Variants in KCNMB2 observed in about 807,000 individuals in gnomAD.
KCNMB2 encodes the protein potassium calcium-activated channel subfamily M regulatory beta subunit 2, also known as calcium-activated potassium channel subunit beta-2.
Under a neutral mutation model 24.5 loss-of-function variants are expected in KCNMB2, and 9 were observed. The ratio of observed to expected loss-of-function variants is 0.37; its 90% CI spans 0.22 to 0.64. The LOEUF (loss-of-function observed/expected upper bound fraction) is 0.64, where lower values mean the gene tolerates loss of function less well. Among genes scored for constraint, KCNMB2 ranks in the 30% least tolerant of loss-of-function variants. KCNMB2 has a pLI of 0.63. For synonymous variants in KCNMB2, 109 were observed against 104.4 expected, an observed-to-expected ratio of 1.04 and a Z score of -0.27; for missense variants, 226 against 284.3, an observed-to-expected ratio of 0.79 and a Z score of 1.47.
At position 178,779,007 on chromosome 3, in the gene KCNMB2, ATG is replaced by A. The variant is rs1288203742; in HGVS notation, c.-67-28335_-67-28334del. Among the ~76,000 whole-genome samples the A allele has an allele frequency of 1.6e-4, 25 of 152,212 alleles. 1 individual carries two copies. On this transcript the variant is annotated intron_variant, in intron 1 of 4. Transcript: ENST00000452583. Reference sequence around the variant, plus strand: ...AATGTGTGAAATGTGAGGGGAAAGGATGAAGAAAGCACCATCTCGTATTGATA... The same window carrying A: ...AATGTGTGAAATGTGAGGGGAAAGGAAAGAAAGCACCATCTCGTATTGATA...
chr3:178,818,781 G>T (rs936373851), intron 2 of KCNMB2, among the ~76,000 whole-genome samples: 7 of 151,860 alleles, frequency 4.6e-5, no homozygotes, highest in African/African-American at 1.7e-4. Context: ...TTCTTTTAAT[G>T]CCCCCTCTAA....
chr3:178,604,405 A>G (rs1423652987), intron 1 of KCNMB2, among the ~76,000 whole-genome samples: 1 of 148,412 alleles, frequency 6.7e-6, no homozygotes, highest in East Asian at 1.9e-4. Flanking sequence ...AGTGGTTTAA[A>G]AAAAAAAAAA....
chr3:178,746,022 G>A (rs1487963558), intron 1 of KCNMB2, among the ~76,000 whole-genome samples: 1 of 152,160 alleles, frequency 6.6e-6, no homozygotes, highest in Non-Finnish European at 1.5e-5. Flanking sequence ...CTGGGGTCTG[G>A]AGGATGGTGA....
intron 1 of KCNMB2, among the ~76,000 whole-genome samples, chr3:178,798,198 T>C (rs9832084): frequency 0.18 from 27,431 of 152,086 alleles, 2,837 homozygotes; most frequent in African/African-American, 0.28. Context: ...AGAGAGGGCA[T>C]CCTTGTCTTG....
chr3:178,653,726 T>C lies in KCNMB2; in HGVS notation c.-68+117015T>C, dbSNP rs144426006. On this transcript the variant is annotated intron_variant, in intron 1 of 4. Transcript: ENST00000452583. Reference sequence around the variant, plus strand: ...TTAATATATTATTAATATCAAATTGTCTTTATGTTTTTAAGATTGAATCAT... The same window carrying C: ...TTAATATATTATTAATATCAAATTGCCTTTATGTTTTTAAGATTGAATCAT... Among the ~76,000 whole-genome samples the C allele has an allele frequency of 5.9e-5, 9 of 152,230 alleles. No homozygotes were observed. In the East Asian group the frequency reaches 1.7e-3, roughly 29 times the overall value.
chr3:178,625,528 G>T (rs1719086315), intron 1 of KCNMB2, among the ~76,000 whole-genome samples: 1 of 152,228 alleles, frequency 6.6e-6, no homozygotes, highest in Non-Finnish European at 1.5e-5. Flanking sequence ...CAACTAAGGT[G>T]CTTGACTATT....
At chr3:178,733,430 A>T (rs1011813046) in intron 1 of KCNMB2, among the ~76,000 whole-genome samples, 1 of 152,232 alleles carries the variant, frequency 6.6e-6, no homozygotes, top group Non-Finnish European at 1.5e-5. Context: ...CAGCCAATGG[A>T]AAGTTTTGAG....
intron 2 of KCNMB2, among the ~76,000 whole-genome samples, chr3:178,815,933 A>G (rs1714388352): frequency 6.6e-6 from 1 of 151,874 alleles, no homozygotes; most frequent in Non-Finnish European, 1.5e-5. Flanking sequence ...TCTTGTTTTT[A>G]AAATTTCACG....
At chr3:178,585,577 C>T (rs539891640) in intron 1 of KCNMB2, among the ~76,000 whole-genome samples, 1 of 152,112 alleles carries the variant, frequency 6.6e-6, no homozygotes, top group South Asian at 2.1e-4. Flanking sequence ...GATCAGCAAT[C>T]TTATCTGGGT....
intron 1 of KCNMB2, among the ~76,000 whole-genome samples, chr3:178,710,750 G>A (rs1722426132): frequency 6.6e-6 from 1 of 152,174 alleles, no homozygotes; most frequent in Non-Finnish European, 1.5e-5. Flanking sequence ...GGGGTAGAAA[G>A]CACCTTGAAA....
intron 1 of KCNMB2, among the ~76,000 whole-genome samples, chr3:178,764,551 T>G (rs966335847): frequency 1.3e-5 from 2 of 152,206 alleles, no homozygotes; most frequent in Admixed American, 6.5e-5. Flanking sequence ...TAAGTTTGTG[T>G]AAAATACATT....
At position 178,620,231 on chromosome 3, in the gene KCNMB2, T is replaced by G. The variant is rs1718858842; in HGVS notation, c.-68+83520T>G. ...TGAAAAGTATATAAAAATTAAGTTCTCAATATTCATACATACAACTAGAAA... is the reference window on the plus strand; with the variant it reads ...TGAAAAGTATATAAAAATTAAGTTCGCAATATTCATACATACAACTAGAAA... On this transcript the variant is annotated intron_variant, in intron 1 of 4. Transcript: ENST00000452583. 2.2e-5 allele frequency among the ~76,000 whole-genome samples: 3 copies of G among 138,306 alleles called. No homozygotes were observed. The South Asian group carries it at 7.1e-4, about 33-fold the overall frequency. The allele number at this position is 138,306 out of a possible 152,430, so 90.7% of individuals were successfully genotyped here.
intron 1 of KCNMB2, among the ~76,000 whole-genome samples, chr3:178,578,209 G>T (rs921858939): frequency 1.2e-4 from 19 of 152,318 alleles, no homozygotes; most frequent in Middle Eastern, 3.4e-3. Context: ...CCAGAATAGA[G>T]TGGGGGCCAA....
chr3:178,617,182 T>G (rs1020981464), intron 1 of KCNMB2, among the ~76,000 whole-genome samples: 6 of 152,222 alleles, frequency 3.9e-5, no homozygotes, highest in Non-Finnish European at 8.8e-5. Flanking sequence ...TTGAAATATT[T>G]GCTTCTAATT....
At position 178,807,346 on chromosome 3, in the gene KCNMB2, T is replaced by C. The variant is rs1002014155; in HGVS notation, c.-64T>C. On this transcript the variant is annotated 5_prime_UTR_variant, in exon 2 of 5. Coordinates refer to ENST00000452583, the MANE Select transcript of KCNMB2 (RefSeq NM_181361.3). ...CTTCATTGTGTACCTCTTCTAGGTC[T>C]TTTTGCCATTCCTCCAGGACATCCA... The C allele has an allele frequency of 5.7e-6, 8 of 1,391,504 alleles. No homozygotes were observed. In the African/African-American group the frequency reaches 1.0e-4, roughly 17 times the overall value. The allele number at this position is 1,391,504 out of a possible 1,614,324, so 86.2% of individuals were successfully genotyped here. A position where few individuals can be genotyped will look rare whatever the true frequency, so the allele number is the denominator to read the frequency against.
chr3:178,686,034 T>A (rs1369459588), intron 1 of KCNMB2, among the ~76,000 whole-genome samples: 1 of 151,580 alleles, frequency 6.6e-6, no homozygotes, highest in Non-Finnish European at 1.5e-5. Flanking sequence ...ACTGATTTTA[T>A]TGTGTGTGTG....
chr3:178,783,113 G>T (rs565146548), intron 1 of KCNMB2, among the ~76,000 whole-genome samples: 6 of 150,810 alleles, frequency 4.0e-5, no homozygotes, highest in Non-Finnish European at 7.4e-5. Context: ...GATATACGGC[G>T]TTATTTCTGA....
chr3:178,539,769 CGTGT>C (rs1156797441), intron 1 of KCNMB2, among the ~76,000 whole-genome samples: 3 of 151,566 alleles, frequency 2.0e-5, no homozygotes, highest in African/African-American at 7.3e-5. Flanking sequence ...TGCATGTGTG[CGTGT>C]GTGTGTGATT....
At chr3:178,665,379 A>G (rs1396056416) in intron 1 of KCNMB2, among the ~76,000 whole-genome samples, 15 of 152,188 alleles carry the variant, frequency 9.9e-5, no homozygotes, top group Non-Finnish European at 4.4e-5. Flanking sequence ...TTAAAAAATG[A>G]TAAACTTTTT....
Sources: allele counts gnomAD v4.1 joint callset (sites outside exome capture counted in the v4.1 genomes callset), GRCh38; gene constraint gnomAD v4.1.1; transcripts MANE v1.5; gene names NCBI Gene and HGNC (gene_info 2026-07-23, HGNC 2026-07-21).